Variants in ANO2 observed in about 807,000 individuals in gnomAD.
The protein encoded by ANO2 is anoctamin-2.
A neutral mutation model predicts 124.2 loss-of-function variants in ANO2; 101 were observed. The ratio of observed to expected loss-of-function variants is 0.81; its 90% CI spans 0.69 to 0.96. The LOEUF is 0.96. Ranked by LOEUF, ANO2 falls within the 40% of genes least tolerant of loss-of-function variation. The pLI is 0.00. For synonymous variants in ANO2, 486 were observed against 482.5 expected, an observed-to-expected ratio of 1.01 and a Z score of -0.09; for missense variants, 1,293 against 1,274.5, an observed-to-expected ratio of 1.01 and a Z score of -0.22.
intron 14 of ANO2, among the ~76,000 whole-genome samples, chr12:5,663,971 T>C (rs950353847): frequency 6.6e-6 from 1 of 152,196 alleles, no homozygotes; most frequent in African/African-American, 2.4e-5. Context: ...AGATGGGCTA[T>C]GAAACAGTTA....
intron 24 of ANO2, among the ~76,000 whole-genome samples, chr12:5,565,084 C>A (rs1941670450): frequency 6.6e-6 from 1 of 152,032 alleles, no homozygotes; most frequent in African/African-American, 2.4e-5. Context: ...GGCTCGATGG[C>A]TCTGGGGGCC....
intron 10 of ANO2, among the ~76,000 whole-genome samples, chr12:5,771,101 G>A (rs1227837062): frequency 6.6e-6 from 1 of 152,228 alleles, no homozygotes; most frequent in Non-Finnish European, 1.5e-5. Context: ...CTCCATGAGA[G>A]CAGAGACTTG....
intron 14 of ANO2, among the ~76,000 whole-genome samples, chr12:5,720,154 G>A (rs1461266061): frequency 2.0e-5 from 3 of 152,204 alleles, no homozygotes; most frequent in Non-Finnish European, 4.4e-5. Flanking sequence ...TGTGGTGGTG[G>A]ATGGAGAAGG....
At chr12:5,684,129 G>T (rs1426949195) in intron 14 of ANO2, among the ~76,000 whole-genome samples, 1 of 152,174 alleles carries the variant, frequency 6.6e-6, no homozygotes, top group African/African-American at 2.4e-5. Flanking sequence ...CTTCATGCCA[G>T]GTGTCCCTCC....
chr12:5,872,301 A>C (rs1042529614), intron 3 of ANO2, among the ~76,000 whole-genome samples: 1 of 152,054 alleles, frequency 6.6e-6, no homozygotes, highest in African/African-American at 2.4e-5. Flanking sequence ...CATCCTTTCC[A>C]GGTAAAGAAG....
chr12:5,724,278 G>A (rs939072996), intron 14 of ANO2, among the ~76,000 whole-genome samples: 2 of 152,056 alleles, frequency 1.3e-5, no homozygotes, highest in Non-Finnish European at 2.9e-5. Flanking sequence ...AAGAGGCTGC[G>A]ATAATTATTT....
At chr12:5,645,518 C>CTA (rs2136953181) in intron 15 of ANO2, among the ~76,000 whole-genome samples, 2 of 151,922 alleles carry the variant, frequency 1.3e-5, no homozygotes, top group South Asian at 4.2e-4. Flanking sequence ...TTGTTAATTT[C>CTA]TATATATATT....
chr12:5,779,640 T>C (rs1254249168), intron 10 of ANO2, among the ~76,000 whole-genome samples: 3 of 152,170 alleles, frequency 2.0e-5, no homozygotes, highest in Non-Finnish European at 4.4e-5. Flanking sequence ...TGGCAGAGAC[T>C]GTCATAATCC....
At chr12:5,798,072 A>G (rs183244643) in intron 10 of ANO2, among the ~76,000 whole-genome samples, 33 of 152,284 alleles carry the variant, frequency 2.2e-4, no homozygotes, top group Admixed American at 4.6e-4. Flanking sequence ...TACTTAAAAA[A>G]AACAAAAACA....
At chr12:5,667,849 C>T (rs1406124864) in intron 14 of ANO2, among the ~76,000 whole-genome samples, 1 of 152,180 alleles carries the variant, frequency 6.6e-6, no homozygotes, top group Non-Finnish European at 1.5e-5. Context: ...CAATGACTTC[C>T]AGCTCCATCC....
At chr12:5,934,865 T>C (rs1942582112) in intron 1 of ANO2, among the ~76,000 whole-genome samples, 1 of 152,126 alleles carries the variant, frequency 6.6e-6, no homozygotes, top group Admixed American at 6.5e-5. Context: ...ATATCATTCT[T>C]ATTCTCATCT....
rs73048219 is a variant in ANO2 at position 5,718,018 on chromosome 12, T to G, written c.1545+14502A>C. Reference sequence around the variant, plus strand: ...ATCAGTAAGGAAACCACTAAACACATGGAAGTCCGGGATGGGGGAGCTGAA... The same window carrying G: ...ATCAGTAAGGAAACCACTAAACACAGGGAAGTCCGGGATGGGGGAGCTGAA... On this transcript the variant is annotated intron_variant, in intron 14 of 24. Coordinates refer to ENST00000682330, the MANE Select transcript of ANO2 (RefSeq NM_001364791.2). 2.8e-3 allele frequency among the ~76,000 whole-genome samples: 430 copies of G among 152,308 alleles called. 1 individual carries two copies. The highest frequency in any genetic ancestry group is 5.2e-3 in the Non-Finnish European group (356 of 68,022).
chr12:5,598,139 C>A (rs1345727950), intron 20 of ANO2, among the ~76,000 whole-genome samples: 1 of 152,110 alleles, frequency 6.6e-6, no homozygotes, highest in Non-Finnish European at 1.5e-5. Flanking sequence ...GAGGAATGCC[C>A]ATTAGAAATG....
Position 5,807,383 on chromosome 12 carries a change from G to A in ANO2, c.893-15C>T, listed in dbSNP as rs1434473881. On this transcript the variant is annotated splice_polypyrimidine_tract_variant and intron_variant, in intron 7 of 24. Coordinates refer to ENST00000682330, the MANE Select transcript of ANO2 (RefSeq NM_001364791.2). ...AGAGTTAATACCTACGGAAGAAAGG[G>A]AGATGAAAATAGTAACTCTGGGGCA... 19 of 1,551,522 alleles carry A rather than the reference G, an allele frequency of 1.2e-5. No individual in the cohort carries two copies. Among genetic ancestry groups the A allele is most frequent in the Non-Finnish European group, 1.5e-5 (17 of 1,147,208 alleles).
intron 4 of ANO2, among the ~76,000 whole-genome samples, chr12:5,851,017 A>G (rs1004241966): frequency 6.7e-6 from 1 of 148,876 alleles, no homozygotes; most frequent in Admixed American, 6.6e-5. Flanking sequence ...ACGTCCCCAA[A>G]CCACACAACG....
At chr12:5,676,024 A>G (rs1015830371) in intron 14 of ANO2, among the ~76,000 whole-genome samples, 1 of 152,148 alleles carries the variant, frequency 6.6e-6, no homozygotes, top group Non-Finnish European at 1.5e-5. Flanking sequence ...CACATCTTCC[A>G]GGCTGACAAT....
At chr12:5,645,938 CT>C (rs768601201) in intron 15 of ANO2, among the ~76,000 whole-genome samples, 13 of 152,214 alleles carry the variant, frequency 8.5e-5, no homozygotes, top group Non-Finnish European at 1.6e-4. Context: ...GGGATTGCCC[CT>C]GGCCACTTCT....
At chr12:5,775,226 C>A (rs1470034532) in intron 10 of ANO2, among the ~76,000 whole-genome samples, 1 of 152,016 alleles carries the variant, frequency 6.6e-6, no homozygotes, top group African/African-American at 2.4e-5. Context: ...CCCTTTTCTA[C>A]CACTAGAATA....
At chr12:5,643,913 G>A (rs930255347) in intron 15 of ANO2, among the ~76,000 whole-genome samples, 86 of 152,008 alleles carry the variant, frequency 5.7e-4, no homozygotes, top group African/African-American at 2.0e-3. Context: ...CTTTATATAT[G>A]TTAAGAAAAA....
Sources: allele counts gnomAD v4.1 joint callset (sites outside exome capture counted in the v4.1 genomes callset), GRCh38; gene constraint gnomAD v4.1.1; transcripts MANE v1.5; gene names NCBI Gene and HGNC (gene_info 2026-07-23, HGNC 2026-07-21).